AADACL3: variants seen among roughly 807,000 people sequenced by gnomAD.
AADACL3 encodes the protein arylacetamide deacetylase like 3.
Under a neutral mutation model 13.6 loss-of-function variants are expected in AADACL3, and 13 were observed. The ratio of observed to expected loss-of-function variants is 0.95; its 90% CI spans 0.62 to 1.52. AADACL3 has a LOEUF of 1.52. Ranked by LOEUF, AADACL3 falls within the 40% of genes most tolerant of loss-of-function variation. The pLI is 0.00. For synonymous variants in AADACL3, 195 were observed against 197.0 expected (o/e 0.99, Z 0.08); for missense variants, 519 against 499.2 (o/e 1.04, Z -0.38).
Position 12,725,522 on chromosome 1 carries a change from C to G in AADACL3, c.750C>G (p.Cys250Trp). The G allele has an allele frequency of 6.2e-7, 1 of 1,614,160 alleles. No individual in the cohort carries two copies. Among genetic ancestry groups the G allele is most frequent in the Non-Finnish European group, 8.5e-7 (1 of 1,180,028 alleles). The stretch of plus-strand genomic sequence containing the variant: ...CACTGCTCACCTGGAGTTTCATCTG[C>G]TACTTTTTTTTTCAAAACCTGGATT... ...NIPLLTWSFICYFFFQNLDFS... is the reference protein window; with the variant it reads ...NIPLLTWSFIWYFFFQNLDFS... The change falls in exon 4 of 4, where the codon TGC becomes TGG. Residue 250 changes from cysteine (C) to tryptophan (W), a missense_variant. Physicochemically the swap from Cys to Trp is radical, Grantham distance 215. Transcript: ENST00000359318.
chr1:12,723,039 T>G (rs1299042981), intron 3 of AADACL3, among the ~76,000 whole-genome samples: 1 of 152,196 alleles, frequency 6.6e-6, no homozygotes, highest in Non-Finnish European at 1.5e-5. Context: ...TTTTATGTTT[T>G]ATAATTTTCT....
intron 2 of AADACL3, among the ~76,000 whole-genome samples, chr1:12,720,500 T>A (rs1569624654): frequency 6.6e-6 from 1 of 152,188 alleles, no homozygotes; most frequent in Non-Finnish European, 1.5e-5. Flanking sequence ...TTACCCCAGT[T>A]CACAGATGAG....
chr1:12,722,303 G>C (rs1007242880), intron 3 of AADACL3, among the ~76,000 whole-genome samples: 53 of 147,956 alleles, frequency 3.6e-4, no homozygotes, highest in African/African-American at 1.3e-3. Flanking sequence ...CTCCAGCCTG[G>C]GTGACAGAGT....
chr1:12,719,102 G>A (rs1300729875), intron 1 of AADACL3, among the ~76,000 whole-genome samples: 1 of 152,194 alleles, frequency 6.6e-6, no homozygotes, highest in African/African-American at 2.4e-5. Context: ...GACGGCACAG[G>A]AAGGCCTCCC....
chr1:12,719,807 G>T, intron 2 of AADACL3, 116 bp downstream of exon 2: 1 of 1,097,250 alleles, frequency 9.1e-7, no homozygotes, highest in East Asian at 2.5e-5. Flanking sequence ...GAACACCAGG[G>T]CAGTTCATGG....
At chr1:12,723,349 G>T (rs1350311977) in intron 3 of AADACL3, among the ~76,000 whole-genome samples, 1 of 152,246 alleles carries the variant, frequency 6.6e-6, no homozygotes, top group East Asian at 1.9e-4. Flanking sequence ...ATGTTTACAA[G>T]GTAAAAATTG....
chr1:12,719,377 T>C, intron 1 of AADACL3, 98 bp from the exon 2 acceptor site: 1 of 1,185,682 alleles, frequency 8.4e-7, no homozygotes, highest in Non-Finnish European at 1.2e-6. Context: ...TTCCAAAAAC[T>C]CCTTTTGCCA....
rs1007496478 is a variant in AADACL3, at chr1:12,728,194, T to A, written c.*2198T>A. On this transcript the variant is annotated 3_prime_UTR_variant, in exon 4 of 4. Coordinates refer to ENST00000359318, the MANE Select transcript of AADACL3 (RefSeq NM_001103170.3). ...GTGGAAAAGGGATAGGAATGAATGT[T>A]CACCCAGGGCCAGCTACATGCTAGG... 2.0e-5 allele frequency: 3 copies of A among 152,228 alleles called. No homozygotes were observed. Among genetic ancestry groups the A allele is most frequent in the Non-Finnish European group, 4.4e-5 (3 of 68,050 alleles). 9.4% of individuals were successfully genotyped at this position (152,228 alleles called of 1,614,324 possible).
chr1:12,721,140 C>T (rs3010881), intron 3 of AADACL3, among the ~76,000 whole-genome samples, 194 bp downstream of exon 3: 45,420 of 151,942 alleles, frequency 0.3, 7,027 homozygotes, highest in African/African-American at 0.39. Flanking sequence ...TGGTGGCTCA[C>T]GCCTGTAATC....
rs1036856225 is a variant in AADACL3 at position 12,726,284 on chromosome 1, G to A, written c.*288G>A. 2.8e-5 allele frequency: 12 copies of A among 423,504 alleles called. No individual in the cohort carries two copies. The highest frequency in any genetic ancestry group is 6.2e-4 in the Middle Eastern group (1 of 1,624). 26.2% of individuals were successfully genotyped at this position (423,504 alleles called of 1,614,324 possible). A position where few individuals can be genotyped will look rare whatever the true frequency, so the allele number is the denominator to read the frequency against. ...GGCCATTTGTGGGAGTGAATCAGCC[G>A]GTAAGAGCTGTTCTCAGCCTCCCTA... On this transcript the variant is annotated 3_prime_UTR_variant, in exon 4 of 4. Coordinates refer to ENST00000359318, the MANE Select transcript of AADACL3 (RefSeq NM_001103170.3).
At chr1:12,719,783 C>A in intron 2 of AADACL3, 92 bp downstream of exon 2, 1 of 1,310,148 alleles carries the variant, frequency 7.6e-7, no homozygotes, top group Non-Finnish European at 1.1e-6. Context: ...TTAAAGTATG[C>A]TATTATTATC....
In AADACL3 at chr1:12,727,664, A is replaced by T. The variant is rs944861696; in HGVS notation, c.*1668A>T. 2.6e-5 allele frequency: 4 copies of T among 152,238 alleles called. No individual in the cohort carries two copies. The highest frequency in any genetic ancestry group is 1.3e-4 in the Admixed American group (2 of 15,282). The allele number at this position is 152,238 out of a possible 1,614,324, so 9.4% of individuals were successfully genotyped here. A position where few individuals can be genotyped will look rare whatever the true frequency, so the allele number is the denominator to read the frequency against. On this transcript the variant is annotated 3_prime_UTR_variant, in exon 4 of 4. Transcript: ENST00000359318. ...GAACTATGAGGCAGAGAGGAATCCC[A>T]TTGGGTGGCTCCTTGCTGCATTCGC...
chr1:12,721,874 GTCC>G (rs1638269053), intron 3 of AADACL3, among the ~76,000 whole-genome samples: 2 of 152,232 alleles, frequency 1.3e-5, no homozygotes, highest in Non-Finnish European at 2.9e-5. Flanking sequence ...GGGGTCCCCT[GTCC>G]TGCTGCCTGA....
At chr1:12,723,994 G>A (rs1262857760) in intron 3 of AADACL3, among the ~76,000 whole-genome samples, 1 of 151,890 alleles carries the variant, frequency 6.6e-6, no homozygotes, top group Non-Finnish European at 1.5e-5. Context: ...ATGTTGGTCA[G>A]GCTGGTCTTG....
intron 3 of AADACL3, among the ~76,000 whole-genome samples, chr1:12,723,964 A>G (rs1638315187): frequency 6.9e-6 from 1 of 145,534 alleles, no homozygotes; most frequent in African/African-American, 2.6e-5. Context: ...TTGTATTTTT[A>G]GTAGAGACGG....
At position 12,720,889 on chromosome 1, in the gene AADACL3, A is replaced by G. The variant is rs1638240830; in HGVS notation, c.392A>G (p.His131Arg). ...AAAACCATTTATTTTCTAGAAACCC[A>G]CCATGGCATATGCTCTCGTTTGTGC... The part of the protein sequence containing the change: ...GGGVMGSLKT[H>R]HGICSRLCKE... Residue 131 changes from histidine to arginine, a missense_variant, in exon 3 of 4, where the codon CAC becomes CGC. Transcript: ENST00000359318. 1.9e-6 allele frequency: 3 copies of G among 1,611,408 alleles called. No individual in the cohort carries two copies. The East Asian group carries it at 6.7e-5, about 36-fold the overall frequency.
chr1:12,723,399 C>G (rs1638306155), intron 3 of AADACL3, among the ~76,000 whole-genome samples: 1 of 152,118 alleles, frequency 6.6e-6, no homozygotes, highest in Non-Finnish European at 1.5e-5. Context: ...CAAAACCACT[C>G]ACAAATGTGG....
At chr1:12,717,085 G>C (rs1648453482) in intron 1 of AADACL3, among the ~76,000 whole-genome samples, 1 of 152,170 alleles carries the variant, frequency 6.6e-6, no homozygotes, top group South Asian at 2.1e-4. Context: ...GACAGAAACT[G>C]AATATACAAA....
At chr1:12,725,076 C>G in intron 3 of AADACL3, 146 bp from the exon 4 acceptor site, 1 of 815,456 alleles carries the variant, frequency 1.2e-6, no homozygotes, top group Non-Finnish European at 1.9e-6. Flanking sequence ...TTATGTGTCT[C>G]ATCTCATTTA....
Sources: allele counts gnomAD v4.1 joint callset (sites outside exome capture counted in the v4.1 genomes callset), GRCh38; gene constraint gnomAD v4.1.1; transcripts MANE v1.5; gene names NCBI Gene and HGNC (gene_info 2026-07-23, HGNC 2026-07-21).